The following SPAG16 variants were observed in gnomAD, a reference collection of about 807,000 sequenced individuals.
SPAG16 encodes sperm-associated antigen 16 protein.
In SPAG16, 86 loss-of-function variants were observed where a neutral mutation model predicts 80.4. That is an observed-to-expected ratio of 1.07 (90% CI 0.90 to 1.28). The LOEUF (loss-of-function observed/expected upper bound fraction) is 1.28, where lower values mean the gene tolerates loss of function less well. Ranked by LOEUF, SPAG16 falls within the 50% of genes most tolerant of loss-of-function variation. The pLI is 0.00. For missense variants in SPAG16, 870 were observed against 765.3 expected (o/e 1.14, Z -1.61); for synonymous variants, 294 against 265.9 (o/e 1.11, Z -1.03).
chr2:213,862,722 T>A, intron 11 of SPAG16, 94 bp downstream of exon 11: 1 of 1,414,606 alleles, frequency 7.1e-7, no homozygotes, highest in Non-Finnish European at 9.7e-7. Flanking sequence ...ATGATGTTTT[T>A]CTTTCTGCAA....
At chr2:213,847,921 G>A (rs1461172562) in intron 10 of SPAG16, among the ~76,000 whole-genome samples, 12 of 152,030 alleles carry the variant, frequency 7.9e-5, no homozygotes, top group African/African-American at 2.7e-4. Context: ...AGGCAGTGCC[G>A]TATGTTATAG....
At chr2:214,205,146 C>G (rs2058105977) in intron 15 of SPAG16, among the ~76,000 whole-genome samples, 1 of 152,008 alleles carries the variant, frequency 6.6e-6, no homozygotes, top group Admixed American at 6.6e-5. Flanking sequence ...ATTGCTTGAA[C>G]CTGGGAGGTG....
At chr2:213,767,127 A>C (rs1176316528) in intron 10 of SPAG16, among the ~76,000 whole-genome samples, 1 of 152,240 alleles carries the variant, frequency 6.6e-6, no homozygotes, top group Non-Finnish European at 1.5e-5. Context: ...TTCAAAGGAA[A>C]AGGTTCTCTT....
rs1559505989 is a variant in SPAG16 at position 213,833,490 on chromosome 2, AT to A, written c.1071-28994del. Among the ~76,000 whole-genome samples the A allele has an allele frequency of 1.9e-3, 5 of 2,636 alleles. 2 individuals carry two copies. Among genetic ancestry groups the A allele is most frequent in the East Asian group, 0.038 (1 of 26 alleles). 1.7% of individuals were successfully genotyped at this position (2,636 alleles called of 152,430 possible). A position where few individuals can be genotyped will look rare whatever the true frequency, so the allele number is the denominator to read the frequency against. Reference sequence around the variant, plus strand: ...TTATATATAATAATATATATATTATATATAATATATATATTATATATAATAT... The same window carrying A: ...TTATATATAATAATATATATATTATAATAATATATATATTATATATAATAT... On this transcript the variant is annotated intron_variant, in intron 10 of 15. Transcript: ENST00000331683.
chr2:213,610,223 T>C (rs1474766751), intron 10 of SPAG16, among the ~76,000 whole-genome samples: 2 of 152,166 alleles, frequency 1.3e-5, no homozygotes, highest in Non-Finnish European at 2.9e-5. Flanking sequence ...TTTGAGAAGT[T>C]TGTTAAGAGG....
chr2:214,241,790 A>C (rs1274489805), intron 15 of SPAG16, among the ~76,000 whole-genome samples: 1 of 152,188 alleles, frequency 6.6e-6, no homozygotes, highest in East Asian at 1.9e-4. Flanking sequence ...ACAACCTTAC[A>C]GTTAATTATT....
intron 10 of SPAG16, among the ~76,000 whole-genome samples, chr2:213,813,462 C>T (rs2072307091): frequency 6.6e-6 from 1 of 151,990 alleles, no homozygotes; most frequent in African/African-American, 2.4e-5. Flanking sequence ...GGCGGGAGAC[C>T]ACAGAGGACA....
chr2:213,644,812 G>A (rs1036761905), intron 10 of SPAG16, among the ~76,000 whole-genome samples: 1 of 152,204 alleles, frequency 6.6e-6, no homozygotes, highest in African/African-American at 2.4e-5. Flanking sequence ...CCTAAAGACA[G>A]CACAGTGCTG....
At chr2:213,865,161 C>T (rs1240308146) in intron 11 of SPAG16, among the ~76,000 whole-genome samples, 1 of 151,854 alleles carries the variant, frequency 6.6e-6, no homozygotes, top group Non-Finnish European at 1.5e-5. Flanking sequence ...TACCTCTGTA[C>T]AAGGAGAGAA....
chr2:213,415,191 AG>A (rs2069183246), intron 9 of SPAG16, among the ~76,000 whole-genome samples: 1 of 152,246 alleles, frequency 6.6e-6, no homozygotes, highest in African/African-American at 2.4e-5. Context: ...TAAGAGAACA[AG>A]GAGAGGCTGT....
intron 14 of SPAG16, among the ~76,000 whole-genome samples, chr2:214,136,647 A>G (rs188547484): frequency 1.5e-3 from 226 of 152,284 alleles, no homozygotes; most frequent in African/African-American, 5.2e-3. Flanking sequence ...CCAGTGCTCT[A>G]TATTTCCTCC....
intron 10 of SPAG16, among the ~76,000 whole-genome samples, chr2:213,756,316 A>C (rs2068329718): frequency 6.6e-6 from 1 of 152,128 alleles, no homozygotes; most frequent in Non-Finnish European, 1.5e-5. Flanking sequence ...CCCCGTCTCA[A>C]AAAAATAAAT....
intron 10 of SPAG16, among the ~76,000 whole-genome samples, chr2:213,527,493 T>C (rs1044546488): frequency 9.2e-5 from 14 of 152,354 alleles, no homozygotes; most frequent in African/African-American, 3.4e-4. Context: ...CTTCATTTAA[T>C]GTATTCTTTA....
At chr2:213,515,788 A>C (rs1380732137) in intron 10 of SPAG16, among the ~76,000 whole-genome samples, 2 of 152,146 alleles carry the variant, frequency 1.3e-5, no homozygotes, top group African/African-American at 4.8e-5. Flanking sequence ...CCTTCAGATA[A>C]TTTTATGGGA....
chr2:213,589,783 A>G (rs1375676556), intron 10 of SPAG16, among the ~76,000 whole-genome samples: 3 of 151,990 alleles, frequency 2.0e-5, no homozygotes, highest in South Asian at 4.2e-4. Context: ...TTAGCTGAGC[A>G]TAGTGGTGCA....
rs62196791 is a variant in SPAG16 at position 214,262,775 on chromosome 2, T to C, written c.1720+113509T>C. Among the ~76,000 whole-genome samples, 258 of 152,208 alleles carry C rather than the reference T, an allele frequency of 1.7e-3. 1 individual carries two copies. Among genetic ancestry groups the C allele is most frequent in the Non-Finnish European group, 3.4e-3 (228 of 67,954 alleles). On this transcript the variant is annotated intron_variant, in intron 15 of 15. Coordinates refer to ENST00000331683, the MANE Select transcript of SPAG16 (RefSeq NM_024532.5). The stretch of plus-strand genomic sequence containing the variant: ...CGCAAATACCACTAAGTATAGACAA[T>C]GAGTATCAAAGGAATAATGACGCAT...
chr2:213,641,425 T>G (rs1248865187), intron 10 of SPAG16, among the ~76,000 whole-genome samples: 1 of 152,238 alleles, frequency 6.6e-6, no homozygotes, highest in Non-Finnish European at 1.5e-5. Context: ...TGCTTATGTC[T>G]GCACTTTGCA....
intron 15 of SPAG16, among the ~76,000 whole-genome samples, chr2:214,356,315 T>C (rs975461798): frequency 2.0e-5 from 3 of 151,884 alleles, no homozygotes; most frequent in South Asian, 2.1e-4. Context: ...TCAGAAATTG[T>C]GGGGAAAAAA....
intron 9 of SPAG16, among the ~76,000 whole-genome samples, chr2:213,462,563 A>G (rs1196717705): frequency 6.6e-6 from 1 of 152,196 alleles, no homozygotes; most frequent in Non-Finnish European, 1.5e-5. Flanking sequence ...AGATAATTGA[A>G]TAGTGGGGGT....
Sources: gnomAD v4.1 joint callset for allele counts (sites outside exome capture counted in the v4.1 genomes callset) on GRCh38, gnomAD v4.1.1 for gene constraint, MANE v1.5 for transcripts, NCBI Gene and HGNC (gene_info 2026-07-23, HGNC 2026-07-21) for gene names.